The following CSPP1 variants were observed in gnomAD, a reference collection of about 807,000 sequenced individuals.
The protein encoded by CSPP1 is centrosome and spindle pole-associated protein 1.
In CSPP1, 126 loss-of-function variants were observed where a neutral mutation model predicts 164.4. The observed-to-expected ratio is 0.77, with a 90% CI of 0.66 to 0.89. The LOEUF (loss-of-function observed/expected upper bound fraction) is 0.89. Ranked by LOEUF, CSPP1 falls within the 40% of genes least tolerant of loss-of-function variation. CSPP1 has a pLI of 0.00. For missense variants in CSPP1, 1,395 were observed against 1,449.8 expected (o/e 0.96, Z 0.61); for synonymous variants, 472 against 476.7 (o/e 0.99, Z 0.13).
rs57306340 is a variant in CSPP1, at chr8:67,110,853, CTGT to C, written c.1094-1096_1094-1094del. On this transcript the variant is annotated intron_variant, in intron 9 of 30. Transcript: ENST00000678616. ...TATTTTGCGCAGTTTTCTAATGTTT[CTGT>C]TGTTGTTGTTGTTGTTGTTGTTTAT... Among the ~76,000 whole-genome samples the C allele has an allele frequency of 3.9e-3, 599 of 151,732 alleles. 7 individuals carry two copies. The highest frequency in any genetic ancestry group is 0.011 in the African/African-American group (463 of 41,314).
chr8:67,074,133 C>G, intron 1 of CSPP1, 110 bp from the exon 2 acceptor site: 1 of 620,974 alleles, frequency 1.6e-6, no homozygotes. Flanking sequence ...GTTTGAATTT[C>G]TCAATTTGAT....
chr8:67,160,948 T>C (rs1237882127), intron 21 of CSPP1, among the ~76,000 whole-genome samples: 1 of 152,054 alleles, frequency 6.6e-6, no homozygotes, highest in African/African-American at 2.4e-5. Context: ...TGCCCTAGCC[T>C]CCCCAGTAGC....
intron 28 of CSPP1, among the ~76,000 whole-genome samples, chr8:67,185,321 G>T (rs924325192): frequency 6.6e-6 from 1 of 152,092 alleles, no homozygotes; most frequent in Non-Finnish European, 1.5e-5. Flanking sequence ...ACTAAAGGCC[G>T]ACAAAGATTA....
At chr8:67,094,580 G>T (rs571170490) in intron 6 of CSPP1, among the ~76,000 whole-genome samples, 1 of 151,848 alleles carries the variant, frequency 6.6e-6, no homozygotes, top group East Asian at 1.9e-4. Flanking sequence ...CCACAGAAAG[G>T]TAAAATTTTC....
At chr8:67,167,523 G>A (rs1169688920) in intron 24 of CSPP1, among the ~76,000 whole-genome samples, 3 of 150,764 alleles carry the variant, frequency 2.0e-5, no homozygotes, top group African/African-American at 7.3e-5. Context: ...GGGCGGAGGG[G>A]CTCCTCACTT....
In CSPP1 at chr8:67,133,283, C is replaced by T. The variant is rs150197389; in HGVS notation, c.1827+1203C>T. 8.3e-4 allele frequency among the ~76,000 whole-genome samples: 127 copies of T among 152,250 alleles called. 1 individual carries two copies. The highest frequency in any genetic ancestry group is 2.6e-3 in the African/African-American group (110 of 41,560). On this transcript the variant is annotated intron_variant, in intron 16 of 30. Transcript: ENST00000678616. ...CTATCTGTATGTCTCTACAGAACAA[C>T]CCTGCGCTTATACTTAGTGATGATA...
chr8:67,099,967 C>T (rs192327934), intron 7 of CSPP1, among the ~76,000 whole-genome samples: 241 of 152,020 alleles, frequency 1.6e-3, no homozygotes, highest in Middle Eastern at 3.4e-3. Context: ...AGTAATTCTT[C>T]CTTGACTTAA....
intron 1 of CSPP1, among the ~76,000 whole-genome samples, chr8:67,066,744 T>TAC (rs1398135621): frequency 3.3e-5 from 5 of 152,076 alleles, no homozygotes; most frequent in South Asian, 2.1e-4. Flanking sequence ...TACATATATA[T>TAC]ACACACACAC....
intron 4 of CSPP1, among the ~76,000 whole-genome samples, chr8:67,087,451 T>C (rs764082830): frequency 1.3e-5 from 2 of 152,186 alleles, no homozygotes; most frequent in Non-Finnish European, 2.9e-5. Flanking sequence ...GTTGTAGAGA[T>C]AGCATTCATA....
rs11296619 is a variant in CSPP1, at chr8:67,149,947, CTTTTTTTTTTTTTTT to C, written c.2128+22_2128+36del. ...AAATAAAAGCTCAGGTTTTTAATCA[CTTTTTTTTTTTTTTT>C]TTTTTTTTTACATTTCTGAAATTGT... On this transcript the variant is annotated intron_variant, in intron 18 of 30. Transcript: ENST00000678616. 7 of 1,138,326 alleles carry C rather than the reference CTTTTTTTTTTTTTTT, an allele frequency of 6.1e-6. No individual in the cohort carries two copies. The highest frequency in any genetic ancestry group is 7.9e-6 in the Non-Finnish European group (7 of 884,154). The allele number at this position is 1,138,326 out of a possible 1,614,324, so 70.5% of individuals were successfully genotyped here.
chr8:67,089,753 G>A lies in CSPP1; in HGVS notation c.304-2050G>A, dbSNP rs1177785047. 2.0e-5 allele frequency among the ~76,000 whole-genome samples: 3 copies of A among 151,162 alleles called. No homozygotes were observed. The East Asian group carries it at 5.8e-4, about 29-fold the overall frequency. On this transcript the variant is annotated intron_variant, in intron 4 of 30. Coordinates refer to ENST00000678616, the MANE Select transcript of CSPP1 (RefSeq NM_001382391.1). ...TGAATGAATGAATGATTAAAATTTA[G>A]CTTTTTGAAAAAACTCACTATGTTG...
At position 67,158,714 on chromosome 8, in the gene CSPP1, A is replaced by G. The variant is rs924291164; in HGVS notation, c.2391+118A>G. The G allele has an allele frequency of 5.6e-6, 7 of 1,250,252 alleles. No individual in the cohort carries two copies. The South Asian group carries it at 1.2e-4, about 22-fold the overall frequency. 77.4% of individuals were successfully genotyped at this position (1,250,252 alleles called of 1,614,324 possible). On this transcript the variant is annotated intron_variant, in intron 20 of 30. Transcript: ENST00000678616. ...TGTTGGAGTACATTTAGAAAATATCAGATCAATATACATTCTTTGGATATT... is the reference window on the plus strand; with the variant it reads ...TGTTGGAGTACATTTAGAAAATATCGGATCAATATACATTCTTTGGATATT...
At chr8:67,115,513 T>C (rs967310165) in intron 12 of CSPP1, among the ~76,000 whole-genome samples, 2 of 151,914 alleles carry the variant, frequency 1.3e-5, no homozygotes, top group African/African-American at 4.8e-5. Context: ...AACCCCCTTC[T>C]CTACAAAAAT....
At chr8:67,105,505 T>C (rs1009835494) in intron 8 of CSPP1, among the ~76,000 whole-genome samples, 1 of 152,068 alleles carries the variant, frequency 6.6e-6, no homozygotes, top group East Asian at 1.9e-4. Context: ...GTCAGCCTCC[T>C]GAGTAGCTGG....
chr8:67,099,593 G>GA (rs1309855103), intron 7 of CSPP1, among the ~76,000 whole-genome samples: 3 of 152,120 alleles, frequency 2.0e-5, no homozygotes, highest in African/African-American at 4.8e-5. Flanking sequence ...ATGTTGAGAT[G>GA]ATTGAATAGA....
chr8:67,139,863 G>A (rs1052477638), intron 17 of CSPP1, among the ~76,000 whole-genome samples: 22 of 152,134 alleles, frequency 1.4e-4, no homozygotes, highest in Admixed American at 1.3e-4. Flanking sequence ...GGAGCGGGGA[G>A]GGATAGCACT....
intron 22 of CSPP1, among the ~76,000 whole-genome samples, chr8:67,162,627 TG>T (rs999881546): frequency 3.0e-4 from 46 of 152,208 alleles, no homozygotes; most frequent in African/African-American, 1.1e-3. Context: ...TTTTGTATAA[TG>T]TTTTTTTAGG....
chr8:67,166,869 C>T (rs1369245186), intron 24 of CSPP1, among the ~76,000 whole-genome samples: 1 of 152,084 alleles, frequency 6.6e-6, no homozygotes, highest in South Asian at 2.1e-4. Context: ...GAGGACCCTG[C>T]GGCCTTCCGC....
At chr8:67,103,269 A>G (rs1814538910) in intron 8 of CSPP1, 134 bp downstream of exon 8, 1 of 584,014 alleles carries the variant, frequency 1.7e-6, no homozygotes, top group African/African-American at 1.9e-5. Flanking sequence ...AGTGAATTAA[A>G]GGAAAAGAAA....
Sources: gnomAD v4.1 joint callset for allele counts (sites outside exome capture counted in the v4.1 genomes callset) on GRCh38, gnomAD v4.1.1 for gene constraint, MANE v1.5 for transcripts, NCBI Gene and HGNC (gene_info 2026-07-23, HGNC 2026-07-21) for gene names.